PCM1: variants seen among roughly 807,000 people sequenced by gnomAD.
The protein encoded by PCM1 is pericentriolar material 1, also known as pericentriolar material 1 protein.
PCM1 carries 157 observed loss-of-function variants against 241.9 expected under a neutral mutation model. The observed-to-expected ratio is 0.65, with a 90% CI of 0.57 to 0.74. The LOEUF is 0.74. Among genes scored for constraint, PCM1 ranks in the 30% least tolerant of loss-of-function variants. PCM1 has a pLI of 0.00. For missense variants in PCM1, 3,478 were observed against 2,360.1 expected, an observed-to-expected ratio of 1.47 and a Z score of -9.81; for synonymous variants, 1,085 against 784.9, an observed-to-expected ratio of 1.38 and a Z score of -6.39.
At chr8:18,016,386 A>G (rs532541512) in intron 36 of PCM1, among the ~76,000 whole-genome samples, 4 of 152,252 alleles carry the variant, frequency 2.6e-5, no homozygotes, top group Admixed American at 6.5e-5. Flanking sequence ...ACATGAAACT[A>G]TGCCTTTAAC....
At chr8:17,974,616 A>G (rs185387241) in intron 23 of PCM1, among the ~76,000 whole-genome samples, 98 of 152,310 alleles carry the variant, frequency 6.4e-4, no homozygotes, top group African/African-American at 2.3e-3. Context: ...ATTTATGGCT[A>G]TGACCACCTA....
intron 31 of PCM1, 43 bp from the exon 32 acceptor site, chr8:18,010,566 C>G (rs928545345): frequency 1.4e-6 from 2 of 1,423,866 alleles, no homozygotes; most frequent in East Asian, 2.4e-5. Context: ...AATTATGTAT[C>G]TAAGTATGTT....
At chr8:17,944,715 C>T (rs551894472) in intron 6 of PCM1, among the ~76,000 whole-genome samples, 12 of 152,124 alleles carry the variant, frequency 7.9e-5, no homozygotes, top group African/African-American at 2.4e-4. Context: ...TATTTTCTCC[C>T]TTCTGTATAT....
At chr8:17,926,649 G>A (rs2057077983) in intron 2 of PCM1, 1 of 152,226 alleles carries the variant, frequency 6.6e-6, no homozygotes, top group East Asian at 1.9e-4. Flanking sequence ...CAGTACGCAA[G>A]TAGGTGAGGA....
At chr8:18,017,888 GACAATAA>G (rs2093374948) in intron 36 of PCM1, among the ~76,000 whole-genome samples, 1 of 151,952 alleles carries the variant, frequency 6.6e-6, no homozygotes, top group African/African-American at 2.4e-5. Context: ...TGACTCTGAA[GACAATAA>G]TCAACACCAA....
chr8:17,942,331 G>C (rs976830799), intron 6 of PCM1, among the ~76,000 whole-genome samples: 1 of 152,102 alleles, frequency 6.6e-6, no homozygotes, highest in African/African-American at 2.4e-5. Context: ...GCTGGGCACG[G>C]TGGCGCACGC....
At chr8:18,027,606 ATT>A in intron 38 of PCM1, 29 bp from the exon 39 acceptor site, 1 of 1,524,182 alleles carries the variant, frequency 6.6e-7, no homozygotes, top group South Asian at 1.2e-5. Context: ...TCGATAAGTA[ATT>A]TATAAAGCAT....
chr8:18,003,419 G>C (rs2090262573), intron 29 of PCM1, among the ~76,000 whole-genome samples: 1 of 152,106 alleles, frequency 6.6e-6, no homozygotes, highest in Non-Finnish European at 1.5e-5. Flanking sequence ...ATTGAAAAAG[G>C]CACATTGCCC....
At chr8:17,938,696 A>G (rs118127336) in intron 4 of PCM1, 44 bp from the exon 5 acceptor site, 28,544 of 1,506,388 alleles carry the variant, frequency 0.019, 461 homozygotes, top group South Asian at 0.049. Flanking sequence ...AAATTTTGTC[A>G]TAAGGTTAAT....
At chr8:17,950,837 G>A (rs921268741) in intron 8 of PCM1, 113 bp downstream of exon 8, 11 of 686,476 alleles carry the variant, frequency 1.6e-5, no homozygotes, top group Non-Finnish European at 2.7e-5. Flanking sequence ...GAGCAGTGTA[G>A]GTTTCTGATT....
rs17635381 is a variant in PCM1, at chr8:17,960,044, G to T, written c.2071G>T (p.Ala691Ser). The change falls in exon 14 of 39, where the codon GCC becomes TCC. Residue 691 changes from alanine (A) to serine (S), a missense_variant. Physicochemically the swap from Ala to Ser is moderately conservative, Grantham distance 99. Coordinates refer to ENST00000325083, the MANE Select transcript of PCM1 (RefSeq NM_006197.4). ...DDDAAQGVISASASNLDDFYP... is the reference protein window; with the variant it reads ...DDDAAQGVISSSASNLDDFYP... ...TGATGCAGCTCAAGGAGTTATCTCT[G>T]CCAGTGCATCAAATTTGGATGATTT... 229,404 of 1,611,542 alleles carry T rather than the reference G, an allele frequency of 0.14. 18,672 individuals are homozygous for T. The highest frequency in any genetic ancestry group is 0.39 in the East Asian group (17,594 of 44,764).
At chr8:17,935,496 T>C in intron 2 of PCM1, 93 bp from the exon 3 acceptor site, 1 of 607,360 alleles carries the variant, frequency 1.6e-6, no homozygotes, top group Non-Finnish European at 3.0e-6. Context: ...AAATCAGTGC[T>C]TCAAAGATTG....
chr8:17,943,456 C>G (rs571932416), intron 6 of PCM1, among the ~76,000 whole-genome samples: 2 of 152,200 alleles, frequency 1.3e-5, no homozygotes, highest in Admixed American at 6.5e-5. Flanking sequence ...ATTTTATTCT[C>G]TTTAATCCTT....
rs566119891 is a variant in PCM1, at chr8:17,945,628, A to T, written c.784-1558A>T. On this transcript the variant is annotated intron_variant, in intron 6 of 38. Coordinates refer to ENST00000325083, the MANE Select transcript of PCM1 (RefSeq NM_006197.4). ...GTGTAAAATATTACCACAGTTACTC[A>T]TGCTCATTCACAATACTGATGAGTT... 2.6e-5 allele frequency among the ~76,000 whole-genome samples: 4 copies of T among 152,306 alleles called. No homozygotes were observed. In the East Asian group the frequency reaches 7.7e-4, roughly 29 times the overall value.
chr8:17,931,538 T>G (rs1563621379), intron 2 of PCM1, among the ~76,000 whole-genome samples: 1 of 152,196 alleles, frequency 6.6e-6, no homozygotes, highest in African/African-American at 2.4e-5. Context: ...AACGCCGACC[T>G]TGGCCCAGAT....
At chr8:17,959,941 G>T in intron 13 of PCM1, 73 bp from the exon 14 acceptor site, 1 of 1,379,094 alleles carries the variant, frequency 7.3e-7, no homozygotes, top group Non-Finnish European at 1.0e-6. Flanking sequence ...CAGACTAGTG[G>T]TATTTACTAA....
rs34935098 is a variant in PCM1 at position 17,964,673 on chromosome 8, A to G, written c.2760A>G (p.Glu920=). The part of the protein sequence containing the change: ...EGIVRTDEEE[E]EEQDASSNDN... ...TTGTTCGGACAGATGAAGAGGAGGAAGAAGAGCAAGATGCCAGTTCCAATG... is the reference window on the plus strand; with the variant it reads ...TTGTTCGGACAGATGAAGAGGAGGAGGAAGAGCAAGATGCCAGTTCCAATG... Residue 920 remains glutamate, a synonymous_variant, in exon 18 of 39, where the codon GAA becomes GAG. Transcript: ENST00000325083. 6.4e-4 allele frequency: 1,030 copies of G among 1,613,916 alleles called. 5 individuals carry two copies. In the African/African-American group the frequency reaches 0.011, roughly 18 times the overall value.
In PCM1 at chr8:17,964,784, T is replaced by G. The variant is rs756533637; in HGVS notation, c.2855+16T>G. 5.6e-6 allele frequency: 9 copies of G among 1,593,708 alleles called. No individual in the cohort carries two copies. In the East Asian group the frequency reaches 1.3e-4, roughly 24 times the overall value. ...CTAAAAATAGGTTAGTTTCAGTATT[T>G]TAATTTTGTGCTTAATTTAAGAGGC... On this transcript the variant is annotated intron_variant, in intron 18 of 38. Transcript: ENST00000325083.
At chr8:18,022,402 ACT>A (rs1174363465) in intron 36 of PCM1, among the ~76,000 whole-genome samples, 1 of 152,152 alleles carries the variant, frequency 6.6e-6, no homozygotes, top group Non-Finnish European at 1.5e-5. Context: ...AAGAATAGCC[ACT>A]CTCACTCAAC....
Sources: gnomAD v4.1 joint callset for allele counts (sites outside exome capture counted in the v4.1 genomes callset) on GRCh38, gnomAD v4.1.1 for gene constraint, MANE v1.5 for transcripts, NCBI Gene and HGNC (gene_info 2026-07-23, HGNC 2026-07-21) for gene names.